SMARCA5: variants seen among roughly 807,000 people sequenced by gnomAD.
The protein encoded by SMARCA5 is SWI/SNF-related matrix-associated actin-dependent regulator of chromatin subfamily A member 5.
In SMARCA5, 18 loss-of-function variants were observed where a neutral mutation model predicts 140.4. The observed-to-expected ratio is 0.13, with a 90% confidence interval of 0.09 to 0.19. The LOEUF (loss-of-function observed/expected upper bound fraction) is 0.19, where lower values mean the gene tolerates loss of function less well. Ranked by LOEUF, SMARCA5 falls within the 10% of genes least tolerant of loss-of-function variation. SMARCA5 has a pLI of 1.00. For missense variants in SMARCA5, 606 were observed against 1,276.8 expected (o/e 0.47, Z 8.01); for synonymous variants, 449 against 419.6 (o/e 1.07, Z -0.86).
chr4:143,526,251 C>G (rs1277850908), intron 5 of SMARCA5, 30 bp from the exon 6 acceptor site: 7 of 1,567,414 alleles, frequency 4.5e-6, no homozygotes, highest in Non-Finnish European at 6.1e-6. Context: ...TCATTTTTCA[C>G]TGCTTCATGG....
At chr4:143,541,851 C>G (rs1380007270) in intron 14 of SMARCA5, among the ~76,000 whole-genome samples, 1 of 151,948 alleles carries the variant, frequency 6.6e-6, no homozygotes, top group African/African-American at 2.4e-5. Flanking sequence ...TTATTTTCAT[C>G]CATGAAACAC....
At chr4:143,516,054 A>G (rs536273619) in intron 1 of SMARCA5, among the ~76,000 whole-genome samples, 1 of 151,966 alleles carries the variant, frequency 6.6e-6, no homozygotes, top group South Asian at 2.1e-4. Flanking sequence ...AATTCATGAT[A>G]TAAACTAAGT....
At chr4:143,533,189 A>G (rs1400211080) in intron 9 of SMARCA5, among the ~76,000 whole-genome samples, 3 of 152,240 alleles carry the variant, frequency 2.0e-5, no homozygotes, top group African/African-American at 7.2e-5. Context: ...AAATGGGTGC[A>G]TATTGAGTGA....
In SMARCA5 at chr4:143,553,440, T is replaced by C. The variant is rs903364485; in HGVS notation, c.*256T>C. The C allele has an allele frequency of 2.9e-6, 1 of 343,162 alleles. No homozygotes were observed. Among genetic ancestry groups the C allele is most frequent in the African/African-American group, 2.1e-5 (1 of 47,450 alleles). The allele number at this position is 343,162 out of a possible 1,614,324, so 21.3% of individuals were successfully genotyped here. On this transcript the variant is annotated 3_prime_UTR_variant, in exon 24 of 24. Coordinates refer to ENST00000283131, the MANE Select transcript of SMARCA5 (RefSeq NM_003601.4). ...CTAAGTGTTTCATTTGATTTATTTT[T>C]CTATTGTAGTTCCATTTGTGAAGAT...
Position 143,534,771 on chromosome 4 carries a change from G to A in SMARCA5, c.1159-84G>A, listed in dbSNP as rs1737269311. ...TCACGCAGAGAAATTTCTTTTTCAT[G>A]TATTTTATATACAATTCTAAGATGC... On this transcript the variant is annotated intron_variant, in intron 9 of 23. Transcript: ENST00000283131. 4.2e-6 allele frequency: 4 copies of A among 949,806 alleles called. No homozygotes were observed. The African/African-American group carries it at 6.9e-5, about 16-fold the overall frequency. 58.8% of individuals were successfully genotyped at this position (949,806 alleles called of 1,614,324 possible).
chr4:143,522,400 G>A (rs906453009), intron 3 of SMARCA5, among the ~76,000 whole-genome samples: 1 of 152,152 alleles, frequency 6.6e-6, no homozygotes, highest in Non-Finnish European at 1.5e-5. Context: ...AAATGGCTTT[G>A]TGTAATTCCC....
Position 143,521,606 on chromosome 4 carries a change from G to C in SMARCA5, c.419+11G>C. 6.3e-7 allele frequency: 1 copy of C among 1,594,918 alleles called. No homozygotes were observed. Among genetic ancestry groups the C allele is most frequent in the Non-Finnish European group, 8.5e-7 (1 of 1,170,538 alleles). On this transcript the variant is annotated intron_variant, in intron 3 of 23. Transcript: ENST00000283131. ...ACTATCCGTTGGCGAGTGAGTAATA[G>C]TTTAAACTTCATAGTTCAACCAAAC...
At chr4:143,536,820 A>G (rs1029437046) in intron 11 of SMARCA5, 142 bp downstream of exon 11, 3 of 642,256 alleles carry the variant, frequency 4.7e-6, no homozygotes, top group Non-Finnish European at 5.5e-6. Flanking sequence ...TCATTATCTG[A>G]GCTCTAACCC....
At chr4:143,542,346 T>G (rs1737444712) in intron 14 of SMARCA5, among the ~76,000 whole-genome samples, 2 of 152,218 alleles carry the variant, frequency 1.3e-5, no homozygotes, top group Non-Finnish European at 2.9e-5. Context: ...TTTGTGTTAC[T>G]GTTTTTTATT....
At chr4:143,547,025 T>G in intron 20 of SMARCA5, 117 bp downstream of exon 20, 1 of 875,454 alleles carries the variant, frequency 1.1e-6, no homozygotes, top group East Asian at 2.7e-5. Flanking sequence ...TAGTACCTTC[T>G]TCATTATTTT....
At chr4:143,532,928 A>G (rs1470846429) in intron 9 of SMARCA5, among the ~76,000 whole-genome samples, 1 of 152,174 alleles carries the variant, frequency 6.6e-6, no homozygotes, top group Non-Finnish European at 1.5e-5. Flanking sequence ...CCGCCTGTTG[A>G]CTAGGGCTGA....
At chr4:143,517,094 G>A (rs914972859) in intron 1 of SMARCA5, among the ~76,000 whole-genome samples, 2 of 152,134 alleles carry the variant, frequency 1.3e-5, no homozygotes, top group Non-Finnish European at 2.9e-5. Flanking sequence ...TTTTCTTTTA[G>A]GATGATGAAG....
intron 1 of SMARCA5, among the ~76,000 whole-genome samples, chr4:143,515,015 A>G (rs1379890522): frequency 2.0e-5 from 3 of 152,206 alleles, no homozygotes; most frequent in Non-Finnish European, 2.9e-5. Context: ...GCATCTGGGA[A>G]CAAAGTAATT....
chr4:143,513,716 G>A lies in SMARCA5; in HGVS notation c.-209G>A, dbSNP rs1736748053. 2 of 588,918 alleles carry A rather than the reference G, an allele frequency of 3.4e-6. No homozygotes were observed. 36.5% of individuals were successfully genotyped at this position (588,918 alleles called of 1,614,324 possible). On this transcript the variant is annotated 5_prime_UTR_variant, in exon 1 of 24. Coordinates refer to ENST00000283131, the MANE Select transcript of SMARCA5 (RefSeq NM_003601.4). ...GTGAGGTAAGCGCCGGTGGAACCTAGAGCCCCGCGGAAGAGCAGAACGTTT... is the reference window on the plus strand; with the variant it reads ...GTGAGGTAAGCGCCGGTGGAACCTAAAGCCCCGCGGAAGAGCAGAACGTTT...
chr4:143,526,978 T>A (rs1207497604), intron 6 of SMARCA5, among the ~76,000 whole-genome samples: 2 of 152,218 alleles, frequency 1.3e-5, no homozygotes, highest in Non-Finnish European at 2.9e-5. Context: ...TGTGCTCTCA[T>A]TAGAAGTTAT....
chr4:143,524,273 G>T, intron 3 of SMARCA5, 94 bp from the exon 4 acceptor site: 7 of 737,210 alleles, frequency 9.5e-6, no homozygotes, highest in South Asian at 6.9e-5. Flanking sequence ...TAATTTTGTG[G>T]AATCTTGGTC....
At chr4:143,542,243 C>A (rs1362946291) in intron 14 of SMARCA5, among the ~76,000 whole-genome samples, 1 of 152,106 alleles carries the variant, frequency 6.6e-6, no homozygotes, top group Non-Finnish European at 1.5e-5. Flanking sequence ...TTCATATTTA[C>A]TGTGGCAATT....
rs1242603020 is a variant in SMARCA5 at position 143,553,570 on chromosome 4, TTGTG to T, written c.*388_*391del. ...TTTGTCCCTTTCAGTCTTCACCTAG[TTGTG>T]TAATTATTTTAATTCACTTTGCCTT... On this transcript the variant is annotated 3_prime_UTR_variant, in exon 24 of 24. Coordinates refer to ENST00000283131, the MANE Select transcript of SMARCA5 (RefSeq NM_003601.4). The T allele has an allele frequency of 6.2e-6, 1 of 162,600 alleles. No homozygotes were observed. Among genetic ancestry groups the T allele is most frequent in the Non-Finnish European group, 1.3e-5 (1 of 74,300 alleles). 10.1% of individuals were successfully genotyped at this position (162,600 alleles called of 1,614,324 possible).
chr4:143,516,626 C>T (rs572331727), intron 1 of SMARCA5, among the ~76,000 whole-genome samples: 70 of 152,192 alleles, frequency 4.6e-4, no homozygotes, highest in African/African-American at 1.5e-3. Context: ...ATTCCAGTAC[C>T]GTACCAGATC....
Sources: allele counts gnomAD v4.1 joint callset (sites outside exome capture counted in the v4.1 genomes callset), GRCh38; gene constraint gnomAD v4.1.1; transcripts MANE v1.5; gene names NCBI Gene and HGNC (gene_info 2026-07-23, HGNC 2026-07-21).